ZNF423: variants seen among roughly 807,000 people sequenced by gnomAD.
ZNF423 encodes Ebf-associated zinc finger protein.
In ZNF423, 12 loss-of-function variants were observed where a neutral mutation model predicts 95.8. The observed-to-expected ratio is 0.13, with a 90% CI of 0.08 to 0.20. The LOEUF (loss-of-function observed/expected upper bound fraction) is 0.20. Ranked by LOEUF, ZNF423 falls within the 10% of genes least tolerant of loss-of-function variation. ZNF423 has a pLI of 1.00. For synonymous variants in ZNF423, 749 were observed against 711.9 expected (o/e 1.05, Z -0.83); for missense variants, 1,316 against 1,737.1 (o/e 0.76, Z 4.31).
chr16:49,622,283 G>A (rs868055308), intron 5 of ZNF423, among the ~76,000 whole-genome samples: 10 of 152,074 alleles, frequency 6.6e-5, no homozygotes, highest in Non-Finnish European at 1.2e-4. Context: ...CCTGGCCTAC[G>A]GGGTGAAGGA....
intron 3 of ZNF423, among the ~76,000 whole-genome samples, chr16:49,673,069 C>A (rs538233149): frequency 2.0e-5 from 3 of 152,290 alleles, no homozygotes; most frequent in African/African-American, 7.2e-5. Context: ...AGGCTCACCA[C>A]CCCGCCGTGG....
In ZNF423 at chr16:49,492,904, G is replaced by A. The variant is rs1470315191; in HGVS notation, c.3850-1600C>T. Among the ~76,000 whole-genome samples, 2 of 152,148 alleles carry A rather than the reference G, an allele frequency of 1.3e-5. No individual in the cohort carries two copies. The highest frequency in any genetic ancestry group is 2.9e-5 in the Non-Finnish European group (2 of 68,022). ...TGGCTGGAATCCACTAGAGCAAGGGGATTTTCAGGGGAGCCAGGCTTCCCA... is the reference window on the plus strand; with the variant it reads ...TGGCTGGAATCCACTAGAGCAAGGGAATTTTCAGGGGAGCCAGGCTTCCCA... On this transcript the variant is annotated intron_variant, in intron 7 of 7. Coordinates refer to ENST00000563137, the MANE Select transcript of ZNF423 (RefSeq NM_001379286.1). The surrounding 1 kb of genome is among the most constrained non-coding windows in gnomAD (Gnocchi z 4.2).
At chr16:49,830,887 G>T (rs1459031827) in intron 1 of ZNF423, among the ~76,000 whole-genome samples, 2 of 152,050 alleles carry the variant, frequency 1.3e-5, no homozygotes. Flanking sequence ...TTCCGAACTT[G>T]GATTGCACAT....
intron 2 of ZNF423, among the ~76,000 whole-genome samples, chr16:49,753,092 A>G (rs945299663): frequency 2.6e-5 from 4 of 151,460 alleles, no homozygotes; most frequent in Non-Finnish European, 5.9e-5. Context: ...AAAAATACAA[A>G]AATTAGCCAG....
chr16:49,827,237 C>G (rs886540345), intron 1 of ZNF423, among the ~76,000 whole-genome samples: 1 of 152,168 alleles, frequency 6.6e-6, no homozygotes, highest in African/African-American at 2.4e-5. Flanking sequence ...CCTCCAGCCA[C>G]AGAGCAGGCC....
chr16:49,546,228 CAAACA>C (rs141271482), intron 5 of ZNF423, among the ~76,000 whole-genome samples: 4,671 of 152,246 alleles, frequency 0.031, 95 homozygotes, highest in Non-Finnish European at 0.05. Flanking sequence ...ACTACACAAA[CAAACA>C]AAAGTTAACA....
chr16:49,731,039 C>A, intron 2 of ZNF423, 68 bp from the exon 3 acceptor site: 2 of 1,536,888 alleles, frequency 1.3e-6, no homozygotes, highest in Non-Finnish European at 9.0e-7. Context: ...AAAAGAATCG[C>A]CCGGCATTTA....
At chr16:49,785,159 C>G (rs552056021) in intron 2 of ZNF423, among the ~76,000 whole-genome samples, 72 of 152,264 alleles carry the variant, frequency 4.7e-4, no homozygotes, top group African/African-American at 1.6e-3. Context: ...TCACCGTAAC[C>G]TCAAACTCTT....
chr16:49,712,390 G>A (rs2032571952), intron 3 of ZNF423, among the ~76,000 whole-genome samples: 1 of 152,192 alleles, frequency 6.6e-6, no homozygotes, highest in Non-Finnish European at 1.5e-5. Context: ...AGAGGGGAAA[G>A]TGCCATTGGA....
At chr16:49,789,664 CA>C in intron 1 of ZNF423, 118 bp from the exon 2 acceptor site, 1 of 931,568 alleles carries the variant, frequency 1.1e-6, no homozygotes, top group Non-Finnish European at 1.5e-6. Context: ...TACCCATCAC[CA>C]GGGGAGAGGG....
chr16:49,745,243 T>C (rs1191690582), intron 2 of ZNF423, among the ~76,000 whole-genome samples: 3 of 152,236 alleles, frequency 2.0e-5, no homozygotes, highest in African/African-American at 4.8e-5. Flanking sequence ...TTTTTTTAGG[T>C]TTATTTTCAC....
chr16:49,747,308 A>G (rs756445436), intron 2 of ZNF423, among the ~76,000 whole-genome samples: 4 of 135,254 alleles, frequency 3.0e-5, no homozygotes, highest in Non-Finnish European at 6.2e-5. Flanking sequence ...TCTTCCAAAC[A>G]TAATGTTGAG....
At chr16:49,769,917 CCCTCCTT>C (rs1276830486) in intron 2 of ZNF423, among the ~76,000 whole-genome samples, 1 of 152,106 alleles carries the variant, frequency 6.6e-6, no homozygotes, top group Non-Finnish European at 1.5e-5. Flanking sequence ...CTCTAACGCC[CCCTCCTT>C]GGTACAGAGG....
At chr16:49,744,796 A>C (rs2033488712) in intron 2 of ZNF423, among the ~76,000 whole-genome samples, 1 of 152,104 alleles carries the variant, frequency 6.6e-6, no homozygotes, top group Non-Finnish European at 1.5e-5. Flanking sequence ...TATCAGTGTG[A>C]TCTACATGCA....
intron 5 of ZNF423, among the ~76,000 whole-genome samples, chr16:49,564,661 G>A (rs942299852): frequency 2.0e-5 from 3 of 152,230 alleles, no homozygotes; most frequent in African/African-American, 7.2e-5. Context: ...AGCCAGGGGG[G>A]CCTGAGCATG....
intron 7 of ZNF423, among the ~76,000 whole-genome samples, chr16:49,514,130 A>G (rs1047807300): frequency 6.6e-6 from 1 of 151,196 alleles, no homozygotes; most frequent in East Asian, 2.0e-4. Flanking sequence ...TCTTCCCCAC[A>G]CTGGCTCTGC....
At chr16:49,535,467 G>C (rs774950546) in intron 5 of ZNF423, among the ~76,000 whole-genome samples, 10 of 152,190 alleles carry the variant, frequency 6.6e-5, no homozygotes, top group Non-Finnish European at 1.5e-4. Flanking sequence ...TTTGGCAAAA[G>C]AAAAGACAAA....
At chr16:49,755,328 G>C (rs746268572) in intron 2 of ZNF423, among the ~76,000 whole-genome samples, 1 of 152,154 alleles carries the variant, frequency 6.6e-6, no homozygotes, top group Admixed American at 6.5e-5. Context: ...CTCCTCGCCC[G>C]CTTTCCCGTT....
At chr16:49,854,929 G>A in intron 1 of ZNF423, 11 of 984,964 alleles carry the variant, frequency 1.1e-5, no homozygotes, top group Non-Finnish European at 1.3e-5. Context: ...GGTGCCCGGG[G>A]TCAGATCCAG....
Sources: gnomAD v4.1 joint callset for allele counts (sites outside exome capture counted in the v4.1 genomes callset) on GRCh38, gnomAD v4.1.1 for gene constraint, Gnocchi (gnomAD v3.1) non-coding constraint, MANE v1.5 for transcripts, NCBI Gene and HGNC (gene_info 2026-07-23, HGNC 2026-07-21) for gene names.